The following FGGY variants were observed in gnomAD, a reference collection of about 807,000 sequenced individuals.
FGGY encodes FGGY carbohydrate kinase domain containing, also known as FGGY carbohydrate kinase domain-containing protein.
In FGGY, 72 loss-of-function variants were observed where a neutral mutation model predicts 71.3. The ratio of observed to expected loss-of-function variants is 1.01; its 90% confidence interval spans 0.84 to 1.23. The LOEUF (loss-of-function observed/expected upper bound fraction) is 1.23, where lower values mean the gene tolerates loss of function less well. FGGY is among the 50% of genes most tolerant of loss of function. FGGY has a pLI of 0.00. For synonymous variants in FGGY, 251 were observed against 250.3 expected, an observed-to-expected ratio of 1.00 and a Z score of -0.02; for missense variants, 668 against 682.3, an observed-to-expected ratio of 0.98 and a Z score of 0.23.
intron 6 of FGGY, among the ~76,000 whole-genome samples, chr1:59,463,929 C>T (rs553906854): frequency 7.2e-5 from 11 of 152,276 alleles, no homozygotes; most frequent in African/African-American, 2.6e-4. Flanking sequence ...GACTTTAACA[C>T]CCCACTGTCA....
intron 5 of FGGY, among the ~76,000 whole-genome samples, chr1:59,380,079 A>G (rs2059208314): frequency 1.3e-5 from 2 of 151,902 alleles, no homozygotes; most frequent in Non-Finnish European, 2.9e-5. Flanking sequence ...GATTGCTGAG[A>G]ATGATGGTTT....
chr1:59,352,893 C>A lies in FGGY; in HGVS notation c.465+6495C>A, dbSNP rs148420407. On this transcript the variant is annotated intron_variant, in intron 4 of 15. Coordinates refer to ENST00000303721, the MANE Select transcript of FGGY (RefSeq NM_018291.5). Reference sequence around the variant, plus strand: ...CATGAAAGATAGACAATATAAGTTTCTTTCCTTGAAATGCCATCATTTAAA... The same window carrying A: ...CATGAAAGATAGACAATATAAGTTTATTTCCTTGAAATGCCATCATTTAAA... Among the ~76,000 whole-genome samples the A allele has an allele frequency of 1.1e-4, 16 of 152,286 alleles. No homozygotes were observed. In the East Asian group the frequency reaches 3.1e-3, roughly 29 times the overall value.
chr1:59,446,377 G>A (rs1350265037), intron 5 of FGGY, among the ~76,000 whole-genome samples: 1 of 152,040 alleles, frequency 6.6e-6, no homozygotes, highest in South Asian at 2.1e-4. Flanking sequence ...AAGTCTGACC[G>A]AAAAAGCAAT....
At chr1:59,508,807 A>G (rs2094453435) in intron 6 of FGGY, among the ~76,000 whole-genome samples, 1 of 152,224 alleles carries the variant, frequency 6.6e-6, no homozygotes, top group Non-Finnish European at 1.5e-5. Context: ...ATTGAGGAGA[A>G]GGCTGGTTCA....
intron 5 of FGGY, among the ~76,000 whole-genome samples, chr1:59,399,100 C>T (rs1022070851): frequency 2.0e-5 from 3 of 152,152 alleles, no homozygotes; most frequent in African/African-American, 4.8e-5. Flanking sequence ...GTTTCTTCAT[C>T]TGTATAGTGG....
intron 14 of FGGY, chr1:59,755,648 T>G (rs1294850404): frequency 6.6e-6 from 1 of 152,232 alleles, no homozygotes; most frequent in African/African-American, 2.4e-5. Context: ...CTTCTCAATT[T>G]ATTTTTAAAA....
chr1:59,339,921 G>A lies in FGGY; in HGVS notation c.202-37G>A, dbSNP rs973666753. 9 of 1,248,708 alleles carry A rather than the reference G, an allele frequency of 7.2e-6. No individual in the cohort carries two copies. In the Admixed American group the frequency reaches 9.4e-5, roughly 13 times the overall value. The allele number at this position is 1,248,708 out of a possible 1,614,324, so 77.4% of individuals were successfully genotyped here. ...CTGTTTTCAATCTTTAAAGACCCTG[G>A]TGTTGTAATTTATGTTTTTATTTGT... On this transcript the variant is annotated intron_variant, in intron 2 of 15. Coordinates refer to ENST00000303721, the MANE Select transcript of FGGY (RefSeq NM_018291.5).
intron 14 of FGGY, among the ~76,000 whole-genome samples, chr1:59,732,656 G>A (rs186046804): frequency 2.0e-5 from 3 of 151,974 alleles, no homozygotes; most frequent in Non-Finnish European, 4.4e-5. Context: ...TAGAGGAAAG[G>A]GGGGCAAGAA....
chr1:59,483,229 G>T (rs1469925661), intron 6 of FGGY, among the ~76,000 whole-genome samples: 3 of 152,218 alleles, frequency 2.0e-5, no homozygotes, highest in Admixed American at 2.0e-4. Flanking sequence ...TGGTTAGCCA[G>T]GAAAATTCTC....
chr1:59,553,750 A>G (rs2095643913), intron 7 of FGGY, among the ~76,000 whole-genome samples: 1 of 152,244 alleles, frequency 6.6e-6, no homozygotes, highest in African/African-American at 2.4e-5. Flanking sequence ...TCTGATGTCT[A>G]ACATTAATAA....
chr1:59,524,384 G>A (rs1236426265), intron 7 of FGGY, among the ~76,000 whole-genome samples: 1 of 151,672 alleles, frequency 6.6e-6, no homozygotes, highest in Admixed American at 6.6e-5. Context: ...AAAGGAGCGG[G>A]TCCCTGGCGA....
At chr1:59,608,025 G>A (rs1345364153) in intron 9 of FGGY, 115 bp downstream of exon 9, 10 of 766,376 alleles carry the variant, frequency 1.3e-5, no homozygotes, top group Non-Finnish European at 2.2e-5. Context: ...CCTGAATCGG[G>A]GTGTACTTTC....
At chr1:59,415,319 G>A (rs1198159258) in intron 5 of FGGY, among the ~76,000 whole-genome samples, 1 of 152,126 alleles carries the variant, frequency 6.6e-6, no homozygotes, top group Admixed American at 6.5e-5. Flanking sequence ...ACTGTGTTGT[G>A]ATTTCACAAC....
chr1:59,472,400 C>T (rs1235625389), intron 6 of FGGY, among the ~76,000 whole-genome samples: 1 of 152,208 alleles, frequency 6.6e-6, no homozygotes, highest in Non-Finnish European at 1.5e-5. Flanking sequence ...GCCCGAGCCT[C>T]CCTGACGAGC....
At chr1:59,617,452 A>T (rs752802300) in intron 9 of FGGY, among the ~76,000 whole-genome samples, 4 of 152,124 alleles carry the variant, frequency 2.6e-5, no homozygotes, top group Non-Finnish European at 5.9e-5. Context: ...ATGAAGGAAA[A>T]GAAACAGGAC....
At chr1:59,447,722 CTGCCATATAAGACG>C (rs2071626216) in intron 5 of FGGY, among the ~76,000 whole-genome samples, 1 of 152,194 alleles carries the variant, frequency 6.6e-6, no homozygotes, top group Non-Finnish European at 1.5e-5. Context: ...CTCTTGTCTG[CTGCCATATAAGACG>C]TGCCTTTTAC....
chr1:59,621,548 A>C (rs780079877), intron 9 of FGGY, among the ~76,000 whole-genome samples: 20 of 150,584 alleles, frequency 1.3e-4, no homozygotes, highest in Middle Eastern at 3.4e-3. Flanking sequence ...TTTTTTTTCA[A>C]TGCATTTATT....
chr1:59,457,744 G>C (rs1182610238), intron 6 of FGGY, among the ~76,000 whole-genome samples: 1 of 152,118 alleles, frequency 6.6e-6, no homozygotes, highest in African/African-American at 2.4e-5. Context: ...TACAAATTAG[G>C]TTCACAGGAC....
At chr1:59,724,477 C>G (rs1160694724) in intron 14 of FGGY, among the ~76,000 whole-genome samples, 4 of 151,268 alleles carry the variant, frequency 2.6e-5, no homozygotes, top group Admixed American at 1.3e-4. Context: ...GAGCGAGACT[C>G]CATCTCAAAA....
Sources: allele counts gnomAD v4.1 joint callset (sites outside exome capture counted in the v4.1 genomes callset), GRCh38; gene constraint gnomAD v4.1.1; transcripts MANE v1.5; gene names NCBI Gene and HGNC (gene_info 2026-07-23, HGNC 2026-07-21).